PDE4D: variants seen among roughly 807,000 people sequenced by gnomAD.
PDE4D encodes phosphodiesterase 4D.
In PDE4D, 24 loss-of-function variants were observed where a neutral mutation model predicts 87.4. The ratio of observed to expected loss-of-function variants is 0.27; its 90% CI spans 0.20 to 0.39. The LOEUF (loss-of-function observed/expected upper bound fraction) is 0.39, where lower values mean the gene tolerates loss of function less well. Among genes scored for constraint, PDE4D ranks in the 10% least tolerant of loss-of-function variants. The probability of loss-of-function intolerance (pLI) is 1.00; values close to 1 mark genes in which losing one functional copy is unlikely to be tolerated. For missense variants in PDE4D, 714 were observed against 1,041.0 expected, an observed-to-expected ratio of 0.69 and a Z score of 4.32; for synonymous variants, 384 against 383.2, an observed-to-expected ratio of 1.00 and a Z score of -0.02.
chr5:59,544,893 A>G (rs1232822057), intron 1 of PDE4D, among the ~76,000 whole-genome samples: 4 of 152,142 alleles, frequency 2.6e-5, no homozygotes, highest in Admixed American at 6.6e-5. Context: ...CTTTCAACAC[A>G]CCCTTTTTGA....
At chr5:59,972,577 T>C (rs772080535) in intron 3 of PDE4D, among the ~76,000 whole-genome samples, 6 of 152,258 alleles carry the variant, frequency 3.9e-5, no homozygotes, top group African/African-American at 7.2e-5. Flanking sequence ...AAATGCCTGT[T>C]TTAATGCTGA....
chr5:59,129,818 T>G (rs993126092), intron 5 of PDE4D, among the ~76,000 whole-genome samples: 1 of 152,140 alleles, frequency 6.6e-6, no homozygotes, highest in Non-Finnish European at 1.5e-5. Context: ...CTTGCTACTA[T>G]ATAATTTCAA....
chr5:59,172,204 T>C (rs1368539071), intron 5 of PDE4D, among the ~76,000 whole-genome samples: 1 of 111,436 alleles, frequency 9.0e-6, no homozygotes, highest in African/African-American at 3.7e-5. Flanking sequence ...ATAATAAATA[T>C]GTATATAATA....
At chr5:60,033,598 T>C (rs754814483) in intron 2 of PDE4D, among the ~76,000 whole-genome samples, 3 of 152,232 alleles carry the variant, frequency 2.0e-5, no homozygotes, top group African/African-American at 7.2e-5. Context: ...ATTGTAAATA[T>C]TAACTTCCAT....
chr5:59,303,911 T>G (rs899093975), intron 1 of PDE4D, among the ~76,000 whole-genome samples: 2 of 152,174 alleles, frequency 1.3e-5, no homozygotes, highest in Admixed American at 6.5e-5. Flanking sequence ...GAATTGTTTT[T>G]TCTAATTCTG....
At chr5:59,076,171 G>A (rs1765654231) in intron 5 of PDE4D, among the ~76,000 whole-genome samples, 1 of 152,102 alleles carries the variant, frequency 6.6e-6, no homozygotes, top group Non-Finnish European at 1.5e-5. Flanking sequence ...TCTCACATCA[G>A]TAATTTACAT....
At position 59,156,320 on chromosome 5, in the gene PDE4D, A is replaced by AAAAT. The variant is rs548335725; in HGVS notation, c.808+24274_808+24275insATTT. ...CTAGAGACTTGCCAGAAAAAAAAAA[A>AAAAT]ATATATATATATGTGTGTGTGTGTG... On this transcript the variant is annotated intron_variant, in intron 5 of 14. Coordinates refer to ENST00000340635, the MANE Select transcript of PDE4D (RefSeq NM_001104631.2). Among the ~76,000 whole-genome samples the AAAAT allele has an allele frequency of 1.2e-3, 100 of 81,748 alleles. No individual in the cohort carries two copies. The East Asian group carries it at 0.014, about 11-fold the overall frequency. 53.6% of individuals were successfully genotyped at this position (81,748 alleles called of 152,430 possible). A position where few individuals can be genotyped will look rare whatever the true frequency, so the allele number is the denominator to read the frequency against.
chr5:60,482,225 A>G (rs1253743114), intron 1 of PDE4D, among the ~76,000 whole-genome samples: 1 of 152,130 alleles, frequency 6.6e-6, no homozygotes, highest in Non-Finnish European at 1.5e-5. Context: ...AGATAATAGG[A>G]GAAGTCAGCC....
chr5:60,385,102 C>T (rs1762110582), intron 1 of PDE4D, among the ~76,000 whole-genome samples: 1 of 152,206 alleles, frequency 6.6e-6, no homozygotes, highest in African/African-American at 2.4e-5. Context: ...GCCTTCATTG[C>T]CACTGTTCCT....
intron 1 of PDE4D, among the ~76,000 whole-genome samples, chr5:60,474,126 A>ATG (rs1310135416): frequency 1.0e-5 from 1 of 97,284 alleles, no homozygotes; most frequent in African/African-American, 5.9e-5. Context: ...ATATATATAT[A>ATG]TATATATATA....
intron 2 of PDE4D, among the ~76,000 whole-genome samples, chr5:60,009,752 G>A (rs1229970684): frequency 2.0e-5 from 3 of 152,052 alleles, no homozygotes; most frequent in Non-Finnish European, 4.4e-5. Context: ...TGTCTTCGCT[G>A]TGGTTGGCTA....
chr5:60,214,478 A>G (rs1743620629), intron 1 of PDE4D, among the ~76,000 whole-genome samples: 1 of 152,200 alleles, frequency 6.6e-6, no homozygotes, highest in Non-Finnish European at 1.5e-5. Flanking sequence ...AAGGTGGTGA[A>G]CACAGGCACT....
intron 1 of PDE4D, among the ~76,000 whole-genome samples, chr5:60,216,137 G>A (rs776146894): frequency 7.2e-5 from 11 of 151,978 alleles, no homozygotes; most frequent in East Asian, 1.9e-4. Context: ...ATCAGATAGC[G>A]CTTTATTCTG....
At chr5:59,587,605 GTGGTAC>G in intron 1 of PDE4D, 3 of 985,392 alleles carry the variant, frequency 3.0e-6, no homozygotes, top group Non-Finnish European at 3.6e-6. Context: ...TGCAGGCTCC[GTGGTAC>G]TGTACATTAA....
At chr5:60,196,962 A>G (rs1445823365) in intron 1 of PDE4D, among the ~76,000 whole-genome samples, 1 of 151,302 alleles carries the variant, frequency 6.6e-6, no homozygotes, top group Non-Finnish European at 1.5e-5. Flanking sequence ...GTATCATGAG[A>G]CCAACTAGGT....
chr5:59,739,503 A>G (rs1758553112), intron 1 of PDE4D, among the ~76,000 whole-genome samples: 1 of 152,216 alleles, frequency 6.6e-6, no homozygotes, highest in Non-Finnish European at 1.5e-5. Flanking sequence ...TTCACAATAG[A>G]AAATTCTTTT....
intron 3 of PDE4D, among the ~76,000 whole-genome samples, chr5:59,924,380 G>A (rs576657515): frequency 1.5e-4 from 23 of 152,102 alleles, no homozygotes; most frequent in African/African-American, 5.5e-4. Flanking sequence ...AGTACAAGAA[G>A]GTTATAGAAC....
At chr5:59,071,812 G>T (rs1035599452) in intron 5 of PDE4D, among the ~76,000 whole-genome samples, 9 of 146,880 alleles carry the variant, frequency 6.1e-5, no homozygotes, top group African/African-American at 2.0e-4. Flanking sequence ...TCAGCCTCCT[G>T]AGTAGCTGGG....
rs563220327 is a variant in PDE4D, at chr5:59,235,526, C to T, written c.456-19558G>A. ...CTCATAGATTTAAATGGCTGGATTA[C>T]GACTCAATCCCAAATCTTCTGTTCT... On this transcript the variant is annotated intron_variant, in intron 1 of 14. Coordinates refer to ENST00000340635, the MANE Select transcript of PDE4D (RefSeq NM_001104631.2). Among the ~76,000 whole-genome samples, 11 of 152,132 alleles carry T rather than the reference C, an allele frequency of 7.2e-5. No homozygotes were observed. In the East Asian group the frequency reaches 1.7e-3, roughly 24 times the overall value.
Sources: gnomAD v4.1 joint callset for allele counts (sites outside exome capture counted in the v4.1 genomes callset) on GRCh38, gnomAD v4.1.1 for gene constraint, MANE v1.5 for transcripts, NCBI Gene and HGNC (gene_info 2026-07-23, HGNC 2026-07-21) for gene names.